Variants in ZNF85 observed in about 807,000 individuals in gnomAD.
The protein encoded by ZNF85 is zinc finger protein 85.
Under a neutral mutation model 53.9 loss-of-function variants are expected in ZNF85, and 50 were observed. That is an observed-to-expected ratio of 0.93 (90% confidence interval 0.74 to 1.17). The LOEUF is 1.17. Ranked by LOEUF, ZNF85 falls within the 50% of genes most tolerant of loss-of-function variation. ZNF85 has a pLI of 0.00. For missense variants in ZNF85, 747 were observed against 688.5 expected (o/e 1.08, Z -0.95); for synonymous variants, 225 against 226.1 (o/e 1.00, Z 0.04).
chr19:20,948,900 G>T lies in ZNF85; in HGVS notation c.386G>T (p.Gly129Val), dbSNP rs377572579. 1.2e-6 allele frequency: 2 copies of T among 1,613,572 alleles called. No homozygotes were observed. The highest frequency in any genetic ancestry group is 2.7e-5 in the African/African-American group (2 of 74,910). ...ATGGATGAGTGTAAGATGCACAAAG[G>T]AGGTTGTAATGGACTTAACCAATGT... The part of the protein sequence containing the change: ...ESMDECKMHK[G>V]GCNGLNQCLT... The change falls in exon 4 of 4, where the codon GGA becomes GTA. Residue 129 changes from glycine to valine, a missense_variant. Transcript: ENST00000328178.
Position 20,950,138 on chromosome 19 carries a change from G to A in ZNF85, c.1624G>A (p.Glu542Lys), listed in dbSNP as rs1022341786. The change falls in exon 4 of 4, where the codon GAA (glutamate) becomes AAA (lysine). Residue 542 changes from glutamate to lysine, a missense_variant. Physicochemically the swap from Glu to Lys is moderately conservative, Grantham distance 56 (BLOSUM62 1). Transcript: ENST00000328178. ...HTGEKPYTCE[E>K]CGKAFNQSSN... Reference sequence around the variant, plus strand: ...TGGAGAGAAACCCTACACATGTGAAGAATGTGGCAAAGCCTTTAACCAGTC... The same window carrying A: ...TGGAGAGAAACCCTACACATGTGAAAAATGTGGCAAAGCCTTTAACCAGTC... 5 of 1,613,034 alleles carry A rather than the reference G, an allele frequency of 3.1e-6. No individual in the cohort carries two copies. The Admixed American group carries it at 5.0e-5, about 16-fold the overall frequency.
intron 3 of ZNF85, among the ~76,000 whole-genome samples, chr19:20,941,960 C>T (rs1365867990): frequency 6.6e-6 from 1 of 151,990 alleles, no homozygotes; most frequent in Non-Finnish European, 1.5e-5. Flanking sequence ...AGGATATAAT[C>T]CATCTTCATC....
At chr19:20,942,870 G>A in intron 3 of ZNF85, 1 of 695,062 alleles carries the variant, frequency 1.4e-6, no homozygotes, top group Non-Finnish European at 2.6e-6. Context: ...CAACCTTCTG[G>A]GGTCAAGTGA....
At chr19:20,946,592 A>ACACACACACACC (rs367859040) in intron 3 of ZNF85, among the ~76,000 whole-genome samples, 8,508 of 151,358 alleles carry the variant, frequency 0.056, 288 homozygotes, top group Non-Finnish European at 0.084. Flanking sequence ...ACACACACAC[A>ACACACACACACC]CCCCACAAAT....
chr19:20,934,641 C>T (rs1295708576), intron 2 of ZNF85, among the ~76,000 whole-genome samples: 1 of 149,844 alleles, frequency 6.7e-6, no homozygotes, highest in African/African-American at 2.5e-5. Context: ...TGGTGGCAGG[C>T]ACCTGTAGTC....
chr19:20,950,110 T>C lies in ZNF85; in HGVS notation c.1596T>C (p.His532=), dbSNP rs965260581. ...SSKLTKHKKI[H]TGEKPYTCEE... is the part of the protein sequence containing the mutation. The stretch of plus-strand genomic sequence containing the variant: ...AACTTACCAAACATAAGAAAATTCA[T>C]ACTGGAGAGAAACCCTACACATGTG... Residue 532 remains histidine (H), a synonymous_variant, in exon 4 of 4, where the codon CAT becomes CAC. Coordinates refer to ENST00000328178, the MANE Select transcript of ZNF85 (RefSeq NM_003429.5). 1 of 1,613,578 alleles carries C rather than the reference T, an allele frequency of 6.2e-7. No individual in the cohort carries two copies. Among genetic ancestry groups the C allele is most frequent in the Non-Finnish European group, 8.5e-7 (1 of 1,179,874 alleles).
chr19:20,931,027 G>A (rs368832017), intron 1 of ZNF85, among the ~76,000 whole-genome samples: 3 of 152,036 alleles, frequency 2.0e-5, no homozygotes, highest in African/African-American at 4.8e-5. Context: ...CACCTGCCTC[G>A]GCCTCCCAAA....
intron 3 of ZNF85, among the ~76,000 whole-genome samples, chr19:20,945,221 CAT>C (rs746286069): frequency 9.9e-4 from 150 of 152,174 alleles, no homozygotes; most frequent in Non-Finnish European, 1.9e-3. Context: ...TGTTTTGCAA[CAT>C]ATCACCAAAA....
At position 20,948,778 on chromosome 19, in the gene ZNF85, G is replaced by T. The variant is rs202237395; in HGVS notation, c.264G>T (p.Pro88=). ...MCSHFAQDLW[P]EQNIKDSFQK... is the part of the protein sequence containing the mutation. ...CTCATTTTGCCCAAGACCTTTGGCC[G>T]GAGCAGAATATAAAAGATTCTTTCC... Residue 88 remains proline (P), a synonymous_variant, in exon 4 of 4, where the codon CCG becomes CCT. Transcript: ENST00000328178. 7 of 1,588,370 alleles carry T rather than the reference G, an allele frequency of 4.4e-6. No homozygotes were observed. In the African/African-American group the frequency reaches 9.5e-5, roughly 22 times the overall value.
At chr19:20,934,746 C>T (rs901173314) in intron 2 of ZNF85, among the ~76,000 whole-genome samples, 2 of 140,506 alleles carry the variant, frequency 1.4e-5, no homozygotes, top group African/African-American at 5.4e-5. Flanking sequence ...CATTGCACTC[C>T]AGCCTGGGTG....
rs189301839 is a variant in ZNF85, at chr19:20,934,994, G to T, written c.176G>T (p.Gly59Val). The T allele has an allele frequency of 1.9e-6, 3 of 1,611,542 alleles. No individual in the cohort carries two copies. The Admixed American group carries it at 5.0e-5, about 27-fold the overall frequency. ...GACCTGATCACTTGTCTGGAGCAAG[G>T]GAAAGAGGCCTGGAGTATGAAGAGA... is the stretch of plus-strand genomic sequence containing the variant. ...KPDLITCLEQ[G>V]KEAWSMKRHE... Residue 59 changes from glycine (G) to valine (V), a missense_variant, in exon 3 of 4, where the codon GGG becomes GTG. Coordinates refer to ENST00000328178, the MANE Select transcript of ZNF85 (RefSeq NM_003429.5).
Position 20,934,056 on chromosome 19 carries a change from A to T in ZNF85, c.36A>T (p.Glu12Asp). ...GPLTFRDVAI[E>D]FSLKEWQCLD... ...TGACATTTAGGGATGTGGCCATAGA[A>T]TTCTCTCTGAAGGAGTGGCAATGCC... The change falls in exon 2 of 4, where the codon GAA becomes GAT. Residue 12 changes from glutamate (E) to aspartate (D), a missense_variant. Glu to Asp is a conservative substitution (Grantham distance 45). Coordinates refer to ENST00000328178, the MANE Select transcript of ZNF85 (RefSeq NM_003429.5). The T allele has an allele frequency of 6.2e-7, 1 of 1,611,512 alleles. No homozygotes were observed. The highest frequency in any genetic ancestry group is 1.1e-5 in the South Asian group (1 of 91,020).
chr19:20,923,527 G>T (rs1972807466), intron 1 of ZNF85, 124 bp downstream of exon 1: 4 of 1,497,848 alleles, frequency 2.7e-6, no homozygotes, highest in South Asian at 2.5e-5. Flanking sequence ...AGTTCTTTTT[G>T]CCCAGCTCGG....
chr19:20,945,126 T>C (rs1048576726), intron 3 of ZNF85, among the ~76,000 whole-genome samples: 1 of 152,200 alleles, frequency 6.6e-6, no homozygotes, highest in Admixed American at 6.5e-5. Flanking sequence ...TAGGTATTTC[T>C]GTTTATTTTT....
intron 1 of ZNF85, among the ~76,000 whole-genome samples, chr19:20,931,314 A>G (rs1005506536): frequency 6.6e-6 from 1 of 152,208 alleles, no homozygotes; most frequent in Non-Finnish European, 1.5e-5. Context: ...TTGAGAGGCA[A>G]TGCTTAGCTA....
chr19:20,950,195 A>G lies in ZNF85; in HGVS notation c.1681A>G (p.Thr561Ala). The change falls in exon 4 of 4, where the codon ACT (threonine) becomes GCT (alanine). Residue 561 changes from threonine (T) to alanine (A), a missense_variant. Physicochemically the swap from Thr to Ala is moderately conservative, Grantham distance 58. Coordinates refer to ENST00000328178, the MANE Select transcript of ZNF85 (RefSeq NM_003429.5). ...CCTTACTAAACATAAGAGAATTCAT[A>G]CTGGAGAAAAACCTTACAAATGTGA... ...SNLTKHKRIH[T>A]GEKPYKCEEC... The G allele has an allele frequency of 1.2e-6, 2 of 1,612,722 alleles. No homozygotes were observed. Among genetic ancestry groups the G allele is most frequent in the South Asian group, 1.1e-5 (1 of 90,784 alleles).
intron 1 of ZNF85, among the ~76,000 whole-genome samples, chr19:20,932,685 T>TA (rs546456338): frequency 0.012 from 1,815 of 149,760 alleles, 31 homozygotes; most frequent in African/African-American, 0.035. Flanking sequence ...CAGAAAGTTC[T>TA]AAAAAAAAAA....
rs1202649375 is a variant in ZNF85, at chr19:20,928,269, A to G, written c.3+4866A>G. The G allele has an allele frequency of 2.0e-5, 3 of 152,212 alleles. No homozygotes were observed. The East Asian group carries it at 5.8e-4, about 29-fold the overall frequency. 9.4% of individuals were successfully genotyped at this position (152,212 alleles called of 1,614,324 possible). A position where few individuals can be genotyped will look rare whatever the true frequency, so the allele number is the denominator to read the frequency against. ...GGTGGTGTCAGAATTCAAATTTCAGATAATGAGTAGGTGCTGGAGAATTGC... is the reference window on the plus strand; with the variant it reads ...GGTGGTGTCAGAATTCAAATTTCAGGTAATGAGTAGGTGCTGGAGAATTGC... On this transcript the variant is annotated intron_variant, in intron 1 of 3. Coordinates refer to ENST00000328178, the MANE Select transcript of ZNF85 (RefSeq NM_003429.5).
Position 20,934,096 on chromosome 19 carries a change from C to G in ZNF85, c.76C>G (p.Arg26Gly), listed in dbSNP as rs201139670. Residue 26 changes from arginine (R) to glycine (G), a missense_variant, in exon 2 of 4, where the codon CGG (arginine) becomes GGG (glycine). Arg to Gly is a moderately radical substitution (Grantham distance 125). Transcript: ENST00000328178. ...GTGGCAATGCCTGGACACTGCACAG[C>G]GGAATTTATATAGAAATGTGATGTT... Reference protein sequence around the residue: ...KEWQCLDTAQRNLYRNVMLEN... With the variant: ...KEWQCLDTAQGNLYRNVMLEN... The G allele has an allele frequency of 6.2e-7, 1 of 1,612,224 alleles. No individual in the cohort carries two copies. The highest frequency in any genetic ancestry group is 8.5e-7 in the Non-Finnish European group (1 of 1,179,138).
Sources: allele counts gnomAD v4.1 joint callset (sites outside exome capture counted in the v4.1 genomes callset), GRCh38; gene constraint gnomAD v4.1.1; transcripts MANE v1.5; gene names NCBI Gene and HGNC (gene_info 2026-07-23, HGNC 2026-07-21).